KCNK9: variants seen among roughly 807,000 people sequenced by gnomAD.
KCNK9 encodes the protein potassium channel subfamily K member 9.
In KCNK9, 1 loss-of-function variant was observed where a neutral mutation model predicts 10.8. The observed-to-expected ratio is 0.09, with a 90% CI of 0.03 to 0.44. The LOEUF (loss-of-function observed/expected upper bound fraction) is 0.44, where lower values mean the gene tolerates loss of function less well. KCNK9 is among the 20% of genes least tolerant of loss of function. KCNK9 has a pLI of 0.97. For missense variants in KCNK9, 303 were observed against 515.0 expected (o/e 0.59, Z 3.98); for synonymous variants, 231 against 222.7 (o/e 1.04, Z -0.33).
At chr8:139,669,925 G>T (rs1451492144) in intron 1 of KCNK9, among the ~76,000 whole-genome samples, 1 of 152,194 alleles carries the variant, frequency 6.6e-6, no homozygotes, top group Non-Finnish European at 1.5e-5. Flanking sequence ...GTGTTAGCAG[G>T]CATGAAAACC....
chr8:139,690,524 AG>A (rs1816915404), intron 1 of KCNK9, among the ~76,000 whole-genome samples: 1 of 152,184 alleles, frequency 6.6e-6, no homozygotes, highest in Non-Finnish European at 1.5e-5. Flanking sequence ...TCTATGAGTG[AG>A]GCAGTTAACT....
At chr8:139,649,700 G>C (rs1338450065) in intron 1 of KCNK9, among the ~76,000 whole-genome samples, 1 of 152,330 alleles carries the variant, frequency 6.6e-6, no homozygotes, top group East Asian at 1.9e-4. Flanking sequence ...AGCACTGCCT[G>C]GCTTCCCATC....
intron 1 of KCNK9, among the ~76,000 whole-genome samples, chr8:139,633,829 G>A (rs1175174393): frequency 1.3e-5 from 2 of 152,232 alleles, no homozygotes; most frequent in Non-Finnish European, 2.9e-5. Flanking sequence ...TGCTGCGAGC[G>A]TGAAGACGAC....
At chr8:139,621,603 C>T (rs1814783669) in intron 1 of KCNK9, among the ~76,000 whole-genome samples, 1 of 152,090 alleles carries the variant, frequency 6.6e-6, no homozygotes, top group Non-Finnish European at 1.5e-5. Context: ...AAAGGCAAAA[C>T]AAAGACATTT....
At chr8:139,654,391 T>C (rs1199218517) in intron 1 of KCNK9, among the ~76,000 whole-genome samples, 1 of 152,028 alleles carries the variant, frequency 6.6e-6, no homozygotes, top group Non-Finnish European at 1.5e-5. Flanking sequence ...CTGCCAGGCC[T>C]CCCAAGGACC....
chr8:139,686,296 T>C (rs9694064), intron 1 of KCNK9, among the ~76,000 whole-genome samples: 84,328 of 151,774 alleles, frequency 0.56, 23,562 homozygotes, highest in Admixed American at 0.6. Flanking sequence ...TTCTGCACAG[T>C]AAAAGAAACT....
chr8:139,637,113 G>T (rs1815361548), intron 1 of KCNK9, among the ~76,000 whole-genome samples: 1 of 152,234 alleles, frequency 6.6e-6, no homozygotes, highest in Non-Finnish European at 1.5e-5. Flanking sequence ...GAGCCTAAAA[G>T]GCTGTGTGCA....
intron 1 of KCNK9, among the ~76,000 whole-genome samples, chr8:139,622,413 T>C (rs1814818042): frequency 6.6e-6 from 1 of 152,160 alleles, no homozygotes; most frequent in East Asian, 1.9e-4. Flanking sequence ...ACATCAAGGG[T>C]CCCTTTGCCC....
At chr8:139,677,939 C>G (rs1816599125) in intron 1 of KCNK9, among the ~76,000 whole-genome samples, 1 of 146,696 alleles carries the variant, frequency 6.8e-6, no homozygotes, top group Non-Finnish European at 1.5e-5. Flanking sequence ...TACCTCACAT[C>G]TCAGCCCAAT....
At chr8:139,633,784 A>C (rs1815249015) in intron 1 of KCNK9, among the ~76,000 whole-genome samples, 1 of 152,166 alleles carries the variant, frequency 6.6e-6, no homozygotes, top group African/African-American at 2.4e-5. Context: ...CCCATCCTAG[A>C]CAACCAACAC....
chr8:139,623,575 C>A (rs1201876375), intron 1 of KCNK9, among the ~76,000 whole-genome samples: 1 of 152,088 alleles, frequency 6.6e-6, no homozygotes, highest in African/African-American at 2.4e-5. Context: ...CCTCCTACCC[C>A]ACCTGTGAGC....
At chr8:139,649,725 T>C (rs1413739979) in intron 1 of KCNK9, among the ~76,000 whole-genome samples, 1 of 152,226 alleles carries the variant, frequency 6.6e-6, no homozygotes, top group African/African-American at 2.4e-5. Context: ...CCCTATCAAT[T>C]CTCAGCTGTG....
At chr8:139,679,646 G>A (rs139362503) in intron 1 of KCNK9, among the ~76,000 whole-genome samples, 3 of 152,298 alleles carry the variant, frequency 2.0e-5, no homozygotes, top group East Asian at 3.9e-4. Flanking sequence ...GCTCAGAAAG[G>A]CTACAGAGCT....
chr8:139,703,080 GCCT>G lies in KCNK9; in HGVS notation c.-91_-89del. On this transcript the variant is annotated 5_prime_UTR_variant, in exon 1 of 2. Coordinates refer to ENST00000520439, the MANE Select transcript of KCNK9 (RefSeq NM_001282534.2). The surrounding 1 kb of genome is among the most constrained non-coding windows in gnomAD (Gnocchi z 6.4). ...ACTGCAGCGCCCGGCGGCCGCCGCC[GCCT>G]CCTCCTCCGCCGCCGCCGCCGCCGC... The G allele has an allele frequency of 3.3e-6, 4 of 1,202,732 alleles. No homozygotes were observed. The highest frequency in any genetic ancestry group is 4.2e-6 in the Non-Finnish European group (4 of 953,532). The allele number at this position is 1,202,732 out of a possible 1,614,324, so 74.5% of individuals were successfully genotyped here. A position where few individuals can be genotyped will look rare whatever the true frequency, so the allele number is the denominator to read the frequency against.
At chr8:139,633,613 G>A (rs1313765590) in intron 1 of KCNK9, among the ~76,000 whole-genome samples, 1 of 152,174 alleles carries the variant, frequency 6.6e-6, no homozygotes, top group Non-Finnish European at 1.5e-5. Flanking sequence ...TACATACGCA[G>A]CCCAGAGGCC....
In KCNK9 at chr8:139,618,690, C is replaced by T; in HGVS notation, c.693G>A (p.Gly231=). Residue 231 remains glycine, a synonymous_variant, in exon 2 of 2, where the codon GGG becomes GGA. Transcript: ENST00000520439. This position sits in a 1 kb window ranked among gnomAD's most constrained non-coding sequence, Gnocchi z 7.9. The part of the protein sequence containing the change: ...VAFSFMYILV[G]LTVIGAFLNL... ...TGAGGAAGGCCCCGATGACCGTCAG[C>T]CCCACCAGGATATACATAAAGCTAA... 1.2e-6 allele frequency: 2 copies of T among 1,614,208 alleles called. No homozygotes were observed. The highest frequency in any genetic ancestry group is 2.2e-5 in the South Asian group (2 of 91,086).
Position 139,618,152 on chromosome 8 carries a change from T to C in KCNK9, c.*106A>G, listed in dbSNP as rs1814657329. 2 of 1,429,018 alleles carry C rather than the reference T, an allele frequency of 1.4e-6. No individual in the cohort carries two copies. Among genetic ancestry groups the C allele is most frequent in the South Asian group, 1.2e-5 (1 of 80,874 alleles). The allele number at this position is 1,429,018 out of a possible 1,614,324, so 88.5% of individuals were successfully genotyped here. ...AAGGAGGAAGGAGAGAAAGTAATAA[T>C]GATGACAATAATAATAATAAATAAA... On this transcript the variant is annotated 3_prime_UTR_variant, in exon 2 of 2. Transcript: ENST00000520439. The surrounding 1 kb of genome is among the most constrained non-coding windows in gnomAD (Gnocchi z 7.9).
intron 1 of KCNK9, among the ~76,000 whole-genome samples, chr8:139,635,718 A>G (rs907391079): frequency 6.6e-6 from 1 of 152,146 alleles, no homozygotes; most frequent in Non-Finnish European, 1.5e-5. Flanking sequence ...GAGAATCACA[A>G]AAGAAAGCTA....
intron 1 of KCNK9, among the ~76,000 whole-genome samples, chr8:139,682,671 A>G (rs1816716031): frequency 6.6e-6 from 1 of 152,108 alleles, no homozygotes; most frequent in Non-Finnish European, 1.5e-5. Flanking sequence ...GGCCACAGGG[A>G]GCCATGGATG....
Sources: gnomAD v4.1 joint callset for allele counts (sites outside exome capture counted in the v4.1 genomes callset) on GRCh38, gnomAD v4.1.1 for gene constraint, Gnocchi (gnomAD v3.1) non-coding constraint, MANE v1.5 for transcripts, NCBI Gene and HGNC (gene_info 2026-07-23, HGNC 2026-07-21) for gene names.